Variants in COL4A3 observed in about 807,000 individuals in gnomAD.
The protein encoded by COL4A3 is collagen alpha-3(IV) chain.
In COL4A3, 135 loss-of-function variants were observed where a neutral mutation model predicts 217.4. The ratio of observed to expected loss-of-function variants is 0.62; its 90% CI spans 0.54 to 0.72. COL4A3 has a LOEUF of 0.72. Among genes scored for constraint, COL4A3 ranks in the 30% least tolerant of loss-of-function variants. The pLI, the probability that COL4A3 is intolerant of heterozygous loss-of-function variation, is 0.00. For missense variants in COL4A3, 1,868 were observed against 2,119.9 expected, an observed-to-expected ratio of 0.88 and a Z score of 2.33; for synonymous variants, 690 against 736.3, an observed-to-expected ratio of 0.94 and a Z score of 1.02.
Position 227,266,493 on chromosome 2 carries a change from A to G in COL4A3, c.1392A>G (p.Gly464=). The change falls in exon 22 of 52, where the codon GGA becomes GGG. Residue 464 remains glycine, a synonymous_variant. Coordinates refer to ENST00000396578, the MANE Select transcript of COL4A3 (RefSeq NM_000091.5). ...PGYLGSPGIP[G]VDGPKGEPGL... is the part of the protein sequence containing the mutation. ...ATCTAGGGTCTCCAGGAATCCCAGG[A>G]GTTGATGGGCCCAAAGGTTGGTTCA... 6.2e-7 allele frequency: 1 copy of G among 1,613,832 alleles called. No homozygotes were observed. The highest frequency in any genetic ancestry group is 8.5e-7 in the Non-Finnish European group (1 of 1,179,790).
At chr2:227,220,440 C>G (rs2067730839) in intron 1 of COL4A3, among the ~76,000 whole-genome samples, 1 of 151,970 alleles carries the variant, frequency 6.6e-6, no homozygotes, top group Non-Finnish European at 1.5e-5. Flanking sequence ...GCCTCGGCCT[C>G]CCAAAGTGCT....
chr2:227,213,901 CAA>C (rs5839195), intron 1 of COL4A3, among the ~76,000 whole-genome samples: 5 of 89,346 alleles, frequency 5.6e-5, no homozygotes, highest in Non-Finnish European at 8.3e-5. Flanking sequence ...AACTCTGTCT[CAA>C]AAAAAAAAAA....
chr2:227,238,058 T>G (rs995551591), intron 2 of COL4A3, 34 bp downstream of exon 2: 4 of 1,376,334 alleles, frequency 2.9e-6, no homozygotes, highest in Admixed American at 1.7e-5. Flanking sequence ...TTGTTTACAC[T>G]GTAAAGCTCT....
intron 1 of COL4A3, among the ~76,000 whole-genome samples, chr2:227,232,675 T>C (rs2068471247): frequency 1.3e-5 from 2 of 152,216 alleles, no homozygotes. Flanking sequence ...TGTCTTCTTT[T>C]GAGAAATGTC....
chr2:227,289,892 G>A (rs1236384600), intron 35 of COL4A3, 107 bp from the exon 36 acceptor site: 13 of 1,081,232 alleles, frequency 1.2e-5, no homozygotes, highest in African/African-American at 4.7e-5. Context: ...CAAACCAGCC[G>A]GTCTGGCTGT....
chr2:227,305,132 C>A, intron 47 of COL4A3, 49 bp downstream of exon 47: 1 of 1,535,122 alleles, frequency 6.5e-7, no homozygotes, highest in East Asian at 2.3e-5. Flanking sequence ...TTTCGACATA[C>A]AGAGAAGTCT....
chr2:227,203,475 G>GTATACATATGTGTGTATATGTGTATA lies in COL4A3; in HGVS notation c.88-34483_88-34458dup, dbSNP rs201793163. 5.7e-5 allele frequency among the ~76,000 whole-genome samples: 2 copies of GTATACATATGTGTGTATATGTGTATA among 34,876 alleles called. 1 individual carries two copies. Among genetic ancestry groups the GTATACATATGTGTGTATATGTGTATA allele is most frequent in the Non-Finnish European group, 1.0e-4 (2 of 19,414 alleles). 22.9% of individuals were successfully genotyped at this position (34,876 alleles called of 152,430 possible). A position where few individuals can be genotyped will look rare whatever the true frequency, so the allele number is the denominator to read the frequency against. On this transcript the variant is annotated intron_variant, in intron 1 of 51. Coordinates refer to ENST00000396578, the MANE Select transcript of COL4A3 (RefSeq NM_000091.5). ...CATACATATATGTGTGTATATATGT[G>GTATACATATGTGTGTATATGTGTATA]TATACATATGTGTGTATATGTGTAT...
chr2:227,207,070 G>C lies in COL4A3; in HGVS notation c.88-30898G>C, dbSNP rs113871935. The stretch of plus-strand genomic sequence containing the variant: ...ATATGTACTCCAGAGGAAATCCTGA[G>C]TCCTGGGCTAGGAAGAGCAGGTCTG... On this transcript the variant is annotated intron_variant, in intron 1 of 51. Coordinates refer to ENST00000396578, the MANE Select transcript of COL4A3 (RefSeq NM_000091.5). Among the ~76,000 whole-genome samples, 185 of 152,276 alleles carry C rather than the reference G, an allele frequency of 1.2e-3. 1 individual carries two copies. The highest frequency in any genetic ancestry group is 4.1e-3 in the African/African-American group (172 of 41,550).
rs1289069361 is a variant in COL4A3 at position 227,294,119 on chromosome 2, G to A, written c.3338-371G>A. ...GCTTACAATTCAGGTTTAGGGTTTT[G>A]TTTTATTAAAAACAACTGTGAAACT... On this transcript the variant is annotated intron_variant, in intron 38 of 51. Coordinates refer to ENST00000396578, the MANE Select transcript of COL4A3 (RefSeq NM_000091.5). 8 of 294,466 alleles carry A rather than the reference G, an allele frequency of 2.7e-5. No homozygotes were observed. In the East Asian group the frequency reaches 7.2e-4, roughly 27 times the overall value. The allele number at this position is 294,466 out of a possible 1,614,324, so 18.2% of individuals were successfully genotyped here.
At chr2:227,170,797 A>G (rs1254599670) in intron 1 of COL4A3, among the ~76,000 whole-genome samples, 2 of 152,180 alleles carry the variant, frequency 1.3e-5, no homozygotes, top group Non-Finnish European at 2.9e-5. Context: ...AGTTTTAATA[A>G]TTGTCCTCAT....
intron 26 of COL4A3, among the ~76,000 whole-genome samples, chr2:227,275,897 C>T (rs2071527845): frequency 1.3e-5 from 2 of 151,448 alleles, no homozygotes; most frequent in African/African-American, 4.9e-5. Context: ...TTGGAATAGG[C>T]TCTTTTCAAT....
chr2:227,230,308 A>G (rs2068332301), intron 1 of COL4A3, among the ~76,000 whole-genome samples: 1 of 152,200 alleles, frequency 6.6e-6, no homozygotes, highest in South Asian at 2.1e-4. Flanking sequence ...AAAGTGCTAA[A>G]ACATCATGTA....
At chr2:227,209,284 T>C (rs2067224140) in intron 1 of COL4A3, among the ~76,000 whole-genome samples, 1 of 152,210 alleles carries the variant, frequency 6.6e-6, no homozygotes. Flanking sequence ...CATCTGCTTT[T>C]CCAGTGGACC....
At chr2:227,226,082 A>T (rs2068075052) in intron 1 of COL4A3, among the ~76,000 whole-genome samples, 1 of 152,058 alleles carries the variant, frequency 6.6e-6, no homozygotes, top group Non-Finnish European at 1.5e-5. Flanking sequence ...GAATATGAGG[A>T]CAGTAGATGA....
chr2:227,198,105 C>A (rs1430189611), intron 1 of COL4A3, among the ~76,000 whole-genome samples: 1 of 152,238 alleles, frequency 6.6e-6, no homozygotes, highest in Non-Finnish European at 1.5e-5. Flanking sequence ...CGCTTGCCAG[C>A]TTGTTGCTCT....
chr2:227,231,132 G>A (rs574652505), intron 1 of COL4A3, among the ~76,000 whole-genome samples: 7 of 152,238 alleles, frequency 4.6e-5, no homozygotes, highest in African/African-American at 9.6e-5. Context: ...CCACATGCAA[G>A]TAGATGATAT....
At chr2:227,308,751 T>C in intron 48 of COL4A3, 148 bp from the exon 49 acceptor site, 3 of 822,334 alleles carry the variant, frequency 3.6e-6, no homozygotes, top group Middle Eastern at 3.5e-4. Flanking sequence ...ATGAAAACTT[T>C]TCAATACTAC....
At position 227,277,472 on chromosome 2, in the gene COL4A3, T is replaced by C. The variant is rs913719303; in HGVS notation, c.2044T>C (p.Cys682Arg). The change falls in exon 28 of 52, where the codon TGT (cysteine) becomes CGT (arginine). Residue 682 changes from cysteine (C) to arginine (R), a missense_variant. Transcript: ENST00000396578. ...AGGTATCCCTGGATCCCTGGGGAAA[T>C]GTGGAGATCCTGGTCTTCCAGGGCC... ...PPGIPGSLGK[C>R]GDPGLPGPDG... The C allele has an allele frequency of 3.1e-6, 5 of 1,612,232 alleles. No homozygotes were observed. Among genetic ancestry groups the C allele is most frequent in the Middle Eastern group, 1.6e-4 (1 of 6,062 alleles).
chr2:227,197,939 T>A (rs2066545098), intron 1 of COL4A3, among the ~76,000 whole-genome samples: 1 of 152,196 alleles, frequency 6.6e-6, no homozygotes, highest in Non-Finnish European at 1.5e-5. Context: ...CCTGGCAGTC[T>A]CTCTCTAGAA....
Sources: allele counts gnomAD v4.1 joint callset (sites outside exome capture counted in the v4.1 genomes callset), GRCh38; gene constraint gnomAD v4.1.1; transcripts MANE v1.5; gene names NCBI Gene and HGNC (gene_info 2026-07-23, HGNC 2026-07-21).